GREB1L: variants seen among roughly 807,000 people sequenced by gnomAD.
GREB1L encodes GREB1 like retinoic acid receptor coactivator, also known as GREB1-like protein.
In GREB1L, 17 loss-of-function variants were observed where a neutral mutation model predicts 200.8. The observed-to-expected ratio is 0.08, with a 90% CI of 0.06 to 0.13. The LOEUF (loss-of-function observed/expected upper bound fraction) is 0.13. Among genes scored for constraint, GREB1L ranks in the 10% least tolerant of loss-of-function variants. The pLI is 1.00. For synonymous variants in GREB1L, 789 were observed against 893.0 expected (o/e 0.88, Z 2.08); for missense variants, 1,657 against 2,367.7 (o/e 0.70, Z 6.23).
At chr18:21,426,958 C>CAAAAAAAAAA (rs568993346) in intron 7 of GREB1L, among the ~76,000 whole-genome samples, 4 of 68,426 alleles carry the variant, frequency 5.8e-5, no homozygotes, top group Admixed American at 1.2e-4. Context: ...GACTACGTCT[C>CAAAAAAAAAA]AAAAAAAAAA....
At chr18:21,433,270 G>A (rs2033300358) in intron 7 of GREB1L, among the ~76,000 whole-genome samples, 1 of 152,114 alleles carries the variant, frequency 6.6e-6, no homozygotes, top group Non-Finnish European at 1.5e-5. Flanking sequence ...ATTTATTTCT[G>A]TAGATTAACT....
intron 1 of GREB1L, among the ~76,000 whole-genome samples, chr18:21,262,103 AATTT>A (rs2037898612): frequency 6.6e-6 from 1 of 152,172 alleles, no homozygotes; most frequent in Non-Finnish European, 1.5e-5. Flanking sequence ...GCAGTATACT[AATTT>A]ACAGATTCTA....
chr18:21,364,593 A>C (rs989294187), intron 1 of GREB1L, among the ~76,000 whole-genome samples: 1 of 152,234 alleles, frequency 6.6e-6, no homozygotes, highest in Non-Finnish European at 1.5e-5. Flanking sequence ...CAAATGGTTG[A>C]GTATCTTCCT....
intron 3 of GREB1L, 107 bp downstream of exon 3, chr18:21,383,782 G>T: frequency 9.2e-7 from 1 of 1,088,176 alleles, no homozygotes; most frequent in Non-Finnish European, 1.3e-6. Flanking sequence ...GCGTGATCTC[G>T]GCTCACTGCA....
At chr18:21,337,394 C>T (rs929819530) in intron 1 of GREB1L, among the ~76,000 whole-genome samples, 7 of 152,000 alleles carry the variant, frequency 4.6e-5, no homozygotes, top group African/African-American at 1.7e-4. Context: ...TAGTGCTAGC[C>T]TGAGAGGAAA....
chr18:21,496,384 C>CACCAGGCACACAT, intron 20 of GREB1L, 70 bp from the exon 21 acceptor site: 3 of 1,487,626 alleles, frequency 2.0e-6, no homozygotes, highest in Non-Finnish European at 2.7e-6. Context: ...GCATCCAGAT[C>CACCAGGCACACAT]ACCAGGCACA....
intron 2 of GREB1L, among the ~76,000 whole-genome samples, chr18:21,378,663 C>T (rs2040177837): frequency 6.6e-6 from 1 of 152,228 alleles, no homozygotes; most frequent in Non-Finnish European, 1.5e-5. Context: ...GCGTGAGCCA[C>T]CGCACCTAGC....
intron 7 of GREB1L, among the ~76,000 whole-genome samples, chr18:21,407,293 A>G (rs958445099): frequency 1.3e-5 from 2 of 152,248 alleles, no homozygotes; most frequent in African/African-American, 4.8e-5. Flanking sequence ...TAAGCATGAC[A>G]TACACATAGA....
chr18:21,284,888 G>T (rs1038479968), intron 1 of GREB1L, among the ~76,000 whole-genome samples: 2 of 152,120 alleles, frequency 1.3e-5, no homozygotes, highest in Non-Finnish European at 2.9e-5. Context: ...GTATGAAGTA[G>T]TATCCCATTG....
intron 1 of GREB1L, among the ~76,000 whole-genome samples, chr18:21,322,112 T>C (rs923874439): frequency 3.9e-5 from 6 of 152,228 alleles, no homozygotes; most frequent in African/African-American, 1.2e-4. Context: ...TTTGAAAAGC[T>C]ATTATAAGCA....
chr18:21,479,325 C>T (rs1481300826), intron 17 of GREB1L, among the ~76,000 whole-genome samples: 1 of 152,190 alleles, frequency 6.6e-6, no homozygotes, highest in African/African-American at 2.4e-5. Context: ...GACCAATAGC[C>T]TCTGCCCTTT....
At chr18:21,504,936 A>G (rs1387888296) in intron 23 of GREB1L, among the ~76,000 whole-genome samples, 1 of 152,216 alleles carries the variant, frequency 6.6e-6, no homozygotes, top group Non-Finnish European at 1.5e-5. Context: ...GATCCTGGGC[A>G]GTCAGACATT....
intron 7 of GREB1L, among the ~76,000 whole-genome samples, chr18:21,436,032 G>A (rs1332529190): frequency 1.3e-5 from 2 of 152,104 alleles, no homozygotes; most frequent in Non-Finnish European, 2.9e-5. Flanking sequence ...TGATTAACGT[G>A]AGCATCAAGG....
chr18:21,506,109 T>G (rs1487177015), intron 25 of GREB1L, among the ~76,000 whole-genome samples, 160 bp downstream of exon 25: 1 of 152,048 alleles, frequency 6.6e-6, no homozygotes, highest in African/African-American at 2.4e-5. Context: ...GAAAAATGCA[T>G]GAAGGCTGGG....
At chr18:21,401,405 T>C (rs548312140) in intron 6 of GREB1L, 79 bp downstream of exon 6, 9 of 1,197,260 alleles carry the variant, frequency 7.5e-6, no homozygotes, top group African/African-American at 3.1e-5. Context: ...AGATTCAGAG[T>C]TCAGGTGGGA....
At chr18:21,328,210 G>C (rs1370445998) in intron 1 of GREB1L, among the ~76,000 whole-genome samples, 1 of 151,696 alleles carries the variant, frequency 6.6e-6, no homozygotes, top group African/African-American at 2.4e-5. Flanking sequence ...TTTAAGCACT[G>C]TGTGTGCTCC....
chr18:21,341,372 T>C (rs973236427), intron 1 of GREB1L, among the ~76,000 whole-genome samples: 5 of 152,072 alleles, frequency 3.3e-5, no homozygotes, highest in Non-Finnish European at 7.3e-5. Context: ...TCTGCAATCA[T>C]CTTGAAATAT....
chr18:21,309,132 A>T (rs2144776122), intron 1 of GREB1L, among the ~76,000 whole-genome samples: 1 of 152,366 alleles, frequency 6.6e-6, no homozygotes, highest in Non-Finnish European at 1.5e-5. Flanking sequence ...AGGAGCCTGT[A>T]GTTAAATAGA....
At chr18:21,315,736 T>C (rs559556209) in intron 1 of GREB1L, among the ~76,000 whole-genome samples, 16 of 152,180 alleles carry the variant, frequency 1.1e-4, no homozygotes, top group Middle Eastern at 6.8e-3. Flanking sequence ...GTTTCATCCT[T>C]CTGCTTGGAC....
Sources: allele counts gnomAD v4.1 joint callset (sites outside exome capture counted in the v4.1 genomes callset), GRCh38; gene constraint gnomAD v4.1.1; transcripts MANE v1.5; gene names NCBI Gene and HGNC (gene_info 2026-07-23, HGNC 2026-07-21).